Variants in USH2A observed in about 807,000 individuals in gnomAD.
The protein encoded by USH2A is usherin, also known as Usher syndrome 2A (autosomal recessive, mild).
Under a neutral mutation model 538.9 loss-of-function variants are expected in USH2A, and 443 were observed. That is an observed-to-expected ratio of 0.82 (90% CI 0.76 to 0.89). The LOEUF is 0.89. Ranked by LOEUF, USH2A falls within the 40% of genes least tolerant of loss-of-function variation. The probability of loss-of-function intolerance (pLI) is 0.00; values close to 1 mark genes in which losing one functional copy is unlikely to be tolerated. For synonymous variants in USH2A, 2,413 were observed against 2,273.5 expected (o/e 1.06, Z -1.75); for missense variants, 6,633 against 6,324.8 (o/e 1.05, Z -1.65).
chr1:215,947,666 G>A (rs932578608), intron 37 of USH2A, among the ~76,000 whole-genome samples: 6 of 152,174 alleles, frequency 3.9e-5, no homozygotes, highest in African/African-American at 1.4e-4. Context: ...AACAACTTAG[G>A]AGTGTTACAA....
At chr1:215,632,491 C>G (rs749723344) in intron 70 of USH2A, among the ~76,000 whole-genome samples, 1 of 152,196 alleles carries the variant, frequency 6.6e-6, no homozygotes, top group Non-Finnish European at 1.5e-5. Context: ...ATGGAGGATT[C>G]TGACACAGAG....
chr1:216,334,719 T>G (rs1340748234), intron 4 of USH2A, among the ~76,000 whole-genome samples: 2 of 151,856 alleles, frequency 1.3e-5, no homozygotes, highest in South Asian at 4.1e-4. Flanking sequence ...GACAAAATTT[T>G]TAGTAGAGAC....
At chr1:216,375,965 A>G (rs1030750743) in intron 3 of USH2A, among the ~76,000 whole-genome samples, 2 of 152,132 alleles carry the variant, frequency 1.3e-5, no homozygotes. Flanking sequence ...TAACACACAC[A>G]ACATTTATTG....
chr1:216,168,636 A>G (rs1403396637), intron 21 of USH2A, among the ~76,000 whole-genome samples: 2 of 152,118 alleles, frequency 1.3e-5, no homozygotes, highest in Non-Finnish European at 2.9e-5. Context: ...TTGCTACAAG[A>G]TAAGGAATGA....
At chr1:215,847,815 AC>A (rs1367713173) in intron 44 of USH2A, among the ~76,000 whole-genome samples, 1 of 152,088 alleles carries the variant, frequency 6.6e-6, no homozygotes, top group East Asian at 1.9e-4. Flanking sequence ...TCTTTAAAGG[AC>A]CCCTTTACAT....
rs187752345 is a variant in USH2A at position 216,272,918 on chromosome 1, C to T, written c.1971+16362G>A. 7.9e-5 allele frequency among the ~76,000 whole-genome samples: 12 copies of T among 152,122 alleles called. No homozygotes were observed. The East Asian group carries it at 2.3e-3, about 29-fold the overall frequency. On this transcript the variant is annotated intron_variant, in intron 11 of 71. Coordinates refer to ENST00000307340, the MANE Select transcript of USH2A (RefSeq NM_206933.4). ...AGGCAGTAAAAGTCAAAAGAGACTC[C>T]AGGGGAATCAGGATCAATGGTTATG...
At chr1:216,000,266 C>A (rs954581181) in intron 33 of USH2A, 137 bp downstream of exon 33, 16 of 1,229,608 alleles carry the variant, frequency 1.3e-5, no homozygotes, top group Non-Finnish European at 1.7e-5. Context: ...TCAAAGGTTC[C>A]CAGATCCACT....
chr1:216,313,204 C>A (rs950042531), intron 9 of USH2A, among the ~76,000 whole-genome samples: 1 of 152,144 alleles, frequency 6.6e-6, no homozygotes. Context: ...CACTGCTGAT[C>A]TGACAGGAGG....
chr1:216,236,692 C>T (rs2035825022), intron 13 of USH2A, among the ~76,000 whole-genome samples: 1 of 152,024 alleles, frequency 6.6e-6, no homozygotes, highest in Non-Finnish European at 1.5e-5. Context: ...ATCAGGGAGT[C>T]TAGAGAGGAG....
At chr1:216,214,243 G>C (rs2035301012) in intron 15 of USH2A, among the ~76,000 whole-genome samples, 1 of 152,144 alleles carries the variant, frequency 6.6e-6, no homozygotes, top group East Asian at 1.9e-4. Context: ...ACTTGTAACT[G>C]TATGTTCATG....
At chr1:216,002,122 G>A (rs1304050730) in intron 32 of USH2A, among the ~76,000 whole-genome samples, 2 of 151,952 alleles carry the variant, frequency 1.3e-5, no homozygotes, top group African/African-American at 4.8e-5. Flanking sequence ...ACATAACTGG[G>A]GTGCCTTCAT....
At position 216,070,188 on chromosome 1, in the gene USH2A, T is replaced by C. The variant is rs768292437; in HGVS notation, c.5962A>G (p.Ile1988Val). 7 of 1,613,906 alleles carry C rather than the reference T, an allele frequency of 4.3e-6. No homozygotes were observed. Among genetic ancestry groups the C allele is most frequent in the Non-Finnish European group, 5.1e-6 (6 of 1,179,956 alleles). ...PVVRGVIEKY[I>V]LKAYSEDSTR... ...CTGTCCTCACTATAGGCTTTCAGAA[T>C]GTACTTCTCAATTACACCTCTGACA... The change falls in exon 30 of 72, where the codon ATT becomes GTT. Residue 1988 changes from isoleucine (I) to valine (V), a missense_variant. By Grantham distance (29) the Ile-to-Val change is conservative (BLOSUM62 3). Transcript: ENST00000307340.
intron 34 of USH2A, among the ~76,000 whole-genome samples, chr1:215,996,239 T>G (rs1488648452): frequency 2.0e-5 from 3 of 152,112 alleles, no homozygotes; most frequent in Non-Finnish European, 2.9e-5. Context: ...TTCCAGTAAG[T>G]TTTCAGGTCC....
intron 21 of USH2A, among the ~76,000 whole-genome samples, chr1:216,125,138 A>G (rs759948245): frequency 6.6e-6 from 1 of 152,116 alleles, no homozygotes; most frequent in Non-Finnish European, 1.5e-5. Flanking sequence ...GAACCTTAAT[A>G]TCAAAAGGGC....
rs143324043 is a variant in USH2A at position 215,650,556 on chromosome 1, G to C, written c.14343+36C>G. On this transcript the variant is annotated intron_variant, in intron 65 of 71. Coordinates refer to ENST00000307340, the MANE Select transcript of USH2A (RefSeq NM_206933.4). ...GGTTTCATAGTAATGATTTTTAAAA[G>C]TCAACCAGTCCTGGATTTTTAGCTC... The C allele has an allele frequency of 2.1e-3, 3,366 of 1,612,050 alleles. 13 individuals carry two copies. Among genetic ancestry groups the C allele is most frequent in the Middle Eastern group, 8.9e-3 (54 of 6,058 alleles).
At chr1:215,639,535 G>A (rs1166163527) in intron 68 of USH2A, among the ~76,000 whole-genome samples, 1 of 152,210 alleles carries the variant, frequency 6.6e-6, no homozygotes. Flanking sequence ...ATCTTGTTCT[G>A]CACACGGTTT....
chr1:215,629,880 A>C (rs1037247764), intron 70 of USH2A: 1 of 260,792 alleles, frequency 3.8e-6, no homozygotes, highest in Non-Finnish European at 7.4e-6. Context: ...GGTTCACGCC[A>C]TTCTCCTGCC....
In USH2A at chr1:215,716,162, A is replaced by C. The variant is rs547126820; in HGVS notation, c.12066+11868T>G. Among the ~76,000 whole-genome samples, 3 of 110,908 alleles carry C rather than the reference A, an allele frequency of 2.7e-5. No individual in the cohort carries two copies. The South Asian group carries it at 8.0e-4, about 29-fold the overall frequency. 72.8% of individuals were successfully genotyped at this position (110,908 alleles called of 152,430 possible). On this transcript the variant is annotated intron_variant, in intron 61 of 71. Transcript: ENST00000307340. ...ATACGTCTCCCTTTGCTGTTTCTCT[A>C]GGGGCTGGTGCAGAACATCTGGAAA... is the stretch of plus-strand genomic sequence containing the variant.
intron 32 of USH2A, among the ~76,000 whole-genome samples, chr1:216,008,616 T>C (rs985815602): frequency 1.3e-5 from 2 of 152,146 alleles, no homozygotes; most frequent in Admixed American, 6.5e-5. Context: ...TGTCCTCCTG[T>C]TCTTTGCTCT....
Sources: gnomAD v4.1 joint callset for allele counts (sites outside exome capture counted in the v4.1 genomes callset) on GRCh38, gnomAD v4.1.1 for gene constraint, MANE v1.5 for transcripts, NCBI Gene and HGNC (gene_info 2026-07-23, HGNC 2026-07-21) for gene names.